Variants in ACLY observed in about 807,000 individuals in gnomAD.
The protein encoded by ACLY is ATP-citrate synthase.
In ACLY, 41 loss-of-function variants were observed where a neutral mutation model predicts 133.0. The ratio of observed to expected loss-of-function variants is 0.31; its 90% CI spans 0.24 to 0.40. The LOEUF (loss-of-function observed/expected upper bound fraction) is 0.40, where lower values mean the gene tolerates loss of function less well. Ranked by LOEUF, ACLY falls within the 10% of genes least tolerant of loss-of-function variation. The pLI is 1.00. For synonymous variants in ACLY, 495 were observed against 549.3 expected (o/e 0.90, Z 1.38); for missense variants, 1,046 against 1,453.8 (o/e 0.72, Z 4.56).
At chr17:41,919,410 G>T (rs2050145728), upstream of ACLY, among the ~76,000 whole-genome samples, 1 of 152,218 alleles carries the variant, frequency 6.6e-6, no homozygotes, top group South Asian at 2.1e-4. Flanking sequence ...CATCTCGGCC[G>T]CACCGAATCC....
Position 41,897,838 on chromosome 17 carries a change from G to A in ACLY, c.1340C>T (p.Thr447Met), listed in dbSNP as rs1367767894. ...AGATGCTGTCCTGCTGGGGGCTGGC[G>A]TCTGGGGTGAGATAAGGAGAGAGTG... The part of the protein sequence containing the change: ...FLLNASGSTS[T>M]PAPSRTASFS... The change falls in exon 13 of 29, where the codon ACG (threonine) becomes ATG (methionine). Residue 447 changes from threonine (T) to methionine (M), a missense_variant and splice_region_variant. Thr to Met is a moderately conservative substitution (Grantham distance 81, BLOSUM62 -1). Transcript: ENST00000352035. 5.6e-6 allele frequency: 9 copies of A among 1,612,854 alleles called. No homozygotes were observed. The highest frequency in any genetic ancestry group is 1.3e-5 in the African/African-American group (1 of 74,888).
At chr17:41,876,123 AG>A (rs1355403089) in intron 22 of ACLY, among the ~76,000 whole-genome samples, 3 of 148,510 alleles carry the variant, frequency 2.0e-5, no homozygotes, top group Non-Finnish European at 4.5e-5. Flanking sequence ...AGAAGTGAGG[AG>A]CCCCTCCGCC....
rs1231371067 is a variant in ACLY, at chr17:41,887,586, A to C, written c.1875+13T>G. 1.2e-6 allele frequency: 2 copies of C among 1,611,560 alleles called. No homozygotes were observed. Among genetic ancestry groups the C allele is most frequent in the African/African-American group, 2.7e-5 (2 of 74,860 alleles). On this transcript the variant is annotated intron_variant, in intron 17 of 28. Transcript: ENST00000352035. ...GCATCGAACGTAAAAGGCTTTCCGG[A>C]GGGGAAGCTCACAGTGGCAGGTCCG...
rs782155674 is a variant in ACLY at position 41,886,129 on chromosome 17, C to T, written c.2055G>A (p.Val685=). 1 of 1,613,820 alleles carries T rather than the reference C, an allele frequency of 6.2e-7. No individual in the cohort carries two copies. The highest frequency in any genetic ancestry group is 2.2e-5 in the East Asian group (1 of 44,884). The part of the protein sequence containing the change: ...SRTTDGVYEG[V]AIGGDRYPGS... ...CTGATTACCTGTCCCCACCAATGGC[C>T]ACGCCCTCATAGACGCCATCCGTGG... The change falls in exon 18 of 29, where the codon GTG becomes GTA. Residue 685 remains valine, a synonymous_variant. Coordinates refer to ENST00000352035, the MANE Select transcript of ACLY (RefSeq NM_001096.3).
In ACLY at chr17:41,884,227, G is replaced by A. The variant is rs2048992725; in HGVS notation, c.2120C>T (p.Thr707Ile). 6.2e-7 allele frequency: 1 copy of A among 1,612,174 alleles called. No homozygotes were observed. The change falls in exon 19 of 29, where the codon ACT (threonine) becomes ATT (isoleucine). Residue 707 changes from threonine (T) to isoleucine (I), a missense_variant. Thr to Ile is a moderately conservative substitution (Grantham distance 89). This residue lies in a region of ACLY where 575 missense variants were observed against 804.2 expected (regional missense o/e 0.71). Transcript: ENST00000352035. ...AACCACAATCATTTTGACTCCTGGAGTGTCCTGATAGCGTAACACATGATC... is the reference window on the plus strand; with the variant it reads ...AACCACAATCATTTTGACTCCTGGAATGTCCTGATAGCGTAACACATGATC... ...FMDHVLRYQDTPGVKMIVVLG... is the reference protein window; with the variant it reads ...FMDHVLRYQDIPGVKMIVVLG...
rs533387140 is a variant in ACLY, at chr17:41,889,524, C to CAAAAAAAAAAAAAAAAAAAAAAAAAA, written c.1771-1847_1771-1822dup. On this transcript the variant is annotated intron_variant, in intron 16 of 28. Coordinates refer to ENST00000352035, the MANE Select transcript of ACLY (RefSeq NM_001096.3). ...GGTGATGGAGAAAGGCTCCATTTCA[C>CAAAAAAAAAAAAAAAAAAAAAAAAAA]AAAAAAAAAAAAAAAAAAAAAAAAA... 2.2e-4 allele frequency among the ~76,000 whole-genome samples: 7 copies of CAAAAAAAAAAAAAAAAAAAAAAAAAA among 31,602 alleles called. 3 individuals carry two copies. The highest frequency in any genetic ancestry group is 5.1e-4 in the African/African-American group (3 of 5,840). 20.7% of individuals were successfully genotyped at this position (31,602 alleles called of 152,430 possible).
At chr17:41,878,747 G>T (rs1555626599) in intron 21 of ACLY, 50 bp downstream of exon 21, 1 of 1,610,178 alleles carries the variant, frequency 6.2e-7, no homozygotes, top group African/African-American at 1.3e-5. Flanking sequence ...TGTCTCAGGA[G>T]GGATTTGGAA....
chr17:41,901,549 G>A, intron 11 of ACLY, 147 bp downstream of exon 11: 2 of 679,666 alleles, frequency 2.9e-6, no homozygotes, highest in Middle Eastern at 3.1e-4. Flanking sequence ...CTCTGTGTTG[G>A]GACAGGGAAT....
intron 1 of ACLY, among the ~76,000 whole-genome samples, chr17:41,929,187 C>A (rs1555636326): frequency 1.3e-5 from 2 of 151,900 alleles, no homozygotes; most frequent in Non-Finnish European, 2.9e-5. Context: ...CTCGACCTCC[C>A]ACGCTCAAGT....
Position 41,872,016 on chromosome 17 carries a change from T to A in ACLY, c.2793+16A>T, listed in dbSNP as rs781903389. The stretch of plus-strand genomic sequence containing the variant: ...CAGTGTCCCCACTGTTCACCTCCCA[T>A]GATGACAGTACTTACGATGGTGAGC... On this transcript the variant is annotated intron_variant, in intron 24 of 28. Coordinates refer to ENST00000352035, the MANE Select transcript of ACLY (RefSeq NM_001096.3). 3.7e-6 allele frequency: 6 copies of A among 1,613,714 alleles called. No individual in the cohort carries two copies. In the East Asian group the frequency reaches 1.3e-4, roughly 36 times the overall value.
chr17:41,909,174 C>T, intron 5 of ACLY, 106 bp from the exon 6 acceptor site: 2 of 848,398 alleles, frequency 2.4e-6, no homozygotes, highest in Non-Finnish European at 3.9e-6. Flanking sequence ...GCTCCATTTC[C>T]CTAAACGCAC....
chr17:41,918,962 T>G, upstream of ACLY: 2 of 1,289,018 alleles, frequency 1.6e-6, no homozygotes, highest in South Asian at 1.2e-5. Context: ...AGCCGGTAGC[T>G]TCCCGGGATC....
At chr17:41,887,925 C>T (rs557159484) in intron 16 of ACLY, among the ~76,000 whole-genome samples, 4 of 152,054 alleles carry the variant, frequency 2.6e-5, no homozygotes, top group East Asian at 3.9e-4. Context: ...GTCAGGAGTT[C>T]GAGACCAGCC....
Position 41,905,521 on chromosome 17 carries a change from C to T in ACLY, c.1003+1G>A. The T allele has an allele frequency of 6.2e-7, 1 of 1,614,184 alleles. No individual in the cohort carries two copies. The highest frequency in any genetic ancestry group is 2.2e-5 in the East Asian group (1 of 44,876). On this transcript the variant is annotated splice_donor_variant, in intron 9 of 28. Transcript: ENST00000352035. LOFTEE classifies it high-confidence loss of function. ...GGTATGTGTGTGTGCAAGTATCTCA[C>T]CATCTGGGTGCTTCTCTCGGGTCAT...
chr17:41,878,763 G>T (rs374828926), intron 21 of ACLY, 34 bp downstream of exon 21: 26 of 1,612,218 alleles, frequency 1.6e-5, no homozygotes, highest in Non-Finnish European at 2.1e-5. Flanking sequence ...TGGAAAGGAG[G>T]GGGAGGCCGG....
At chr17:41,878,680 G>T in intron 21 of ACLY, 117 bp downstream of exon 21, 1 of 1,304,098 alleles carries the variant, frequency 7.7e-7, no homozygotes, top group Non-Finnish European at 1.1e-6. Flanking sequence ...CCATACAGCT[G>T]CGCTAGACAC....
intron 16 of ACLY, among the ~76,000 whole-genome samples, chr17:41,888,265 A>C (rs2049107259): frequency 6.6e-6 from 1 of 152,216 alleles, no homozygotes; most frequent in South Asian, 2.1e-4. Context: ...CCACTAGCTA[A>C]CACCACAGTG....
At position 41,869,495 on chromosome 17, in the gene ACLY, T is replaced by C; in HGVS notation, c.3030A>G (p.Val1010=). The part of the protein sequence containing the change: ...ATPLLDYALE[V]EKITTSKKPN... ...TTACCTTCGAGGTGGTAATCTTCTC[T>C]ACTTCCAGTGCATAATCGAGCAGAG... Residue 1010 remains valine, a synonymous_variant, in exon 26 of 29, where the codon GTA becomes GTG. Transcript: ENST00000352035. 2 of 1,613,990 alleles carry C rather than the reference T, an allele frequency of 1.2e-6. No homozygotes were observed. The highest frequency in any genetic ancestry group is 1.7e-6 in the Non-Finnish European group (2 of 1,179,916).
upstream of ACLY, chr17:41,919,009 C>T (rs1555635039): frequency 7.8e-7 from 1 of 1,285,916 alleles, no homozygotes; most frequent in East Asian, 5.7e-5. Flanking sequence ...TTTTCCCCGC[C>T]CCCATCGGCT....
Sources: allele counts gnomAD v4.1 joint callset (sites outside exome capture counted in the v4.1 genomes callset), GRCh38; gene constraint gnomAD v4.1.1; regional missense constraint gnomAD v4.1.1; transcripts MANE v1.5; gene names NCBI Gene and HGNC (gene_info 2026-07-23, HGNC 2026-07-21).